The following CFAP77 variants were observed in gnomAD, a reference collection of about 807,000 sequenced individuals.
CFAP77 encodes cilia- and flagella-associated protein 77.
Under a neutral mutation model 31.1 loss-of-function variants are expected in CFAP77, and 25 were observed. That is an observed-to-expected ratio of 0.80 (90% CI 0.59 to 1.12). The LOEUF is 1.12. Among genes scored for constraint, CFAP77 ranks in the 50% most tolerant of loss-of-function variants. The pLI, the probability that CFAP77 is intolerant of heterozygous loss-of-function variation, is 0.00. For synonymous variants in CFAP77, 151 were observed against 159.9 expected (o/e 0.94, Z 0.42); for missense variants, 377 against 397.3 (o/e 0.95, Z 0.44).
intron 1 of CFAP77, among the ~76,000 whole-genome samples, chr9:132,438,541 A>ATATATATATATATATATATATGTATTTT: frequency 4.6e-5 from 5 of 108,154 alleles, no homozygotes; most frequent in African/African-American, 1.6e-4. Flanking sequence ...ATATATATAT[A>ATATATATATATATATATATATGTATTTT]TTTTTTTTTT....
chr9:132,507,050 T>C (rs1464860687), intron 3 of CFAP77, among the ~76,000 whole-genome samples: 1 of 152,228 alleles, frequency 6.6e-6, no homozygotes, highest in African/African-American at 2.4e-5. Flanking sequence ...CTTAAGGCTT[T>C]AGAACTTAAT....
intron 1 of CFAP77, among the ~76,000 whole-genome samples, chr9:132,425,383 C>T (rs976167334): frequency 6.6e-6 from 1 of 152,096 alleles, no homozygotes; most frequent in African/African-American, 2.4e-5. Flanking sequence ...CTCTCTCCAA[C>T]CTCGCTCCCC....
chr9:132,513,413 G>A, intron 3 of CFAP77: 1 of 1,490,760 alleles, frequency 6.7e-7, no homozygotes, highest in South Asian at 1.4e-5. Flanking sequence ...ACAATCTGAG[G>A]CCCCTGTGCA....
chr9:132,569,728 CTTTTTTTTTTTTTT>C lies in CFAP77; in HGVS notation c.733-2648_733-2635del, dbSNP rs558402201. Among the ~76,000 whole-genome samples the C allele has an allele frequency of 4.1e-5, 4 of 98,476 alleles. No homozygotes were observed. In the Admixed American group the frequency reaches 4.9e-4, roughly 12 times the overall value. 64.6% of individuals were successfully genotyped at this position (98,476 alleles called of 152,430 possible). On this transcript the variant is annotated intron_variant, in intron 5 of 5. Coordinates refer to ENST00000393216, the MANE Select transcript of CFAP77 (RefSeq NM_001282957.2). Reference sequence around the variant, plus strand: ...GTCTTCCTAAGTGTCTCTAGCTGCCCTTTTTTTTTTTTTTTTTTTTTTTTTGAGACGGAATCTCG... The same window carrying C: ...GTCTTCCTAAGTGTCTCTAGCTGCCCTTTTTTTTTTTGAGACGGAATCTCG...
At chr9:132,569,398 C>A (rs1198008240) in intron 5 of CFAP77, among the ~76,000 whole-genome samples, 1 of 151,704 alleles carries the variant, frequency 6.6e-6, no homozygotes, top group Non-Finnish European at 1.5e-5. Context: ...AGAGTGAGAA[C>A]CTGATGGGGG....
chr9:132,467,092 C>T (rs892325656), intron 1 of CFAP77, among the ~76,000 whole-genome samples: 3 of 152,122 alleles, frequency 2.0e-5, no homozygotes, highest in African/African-American at 7.2e-5. Flanking sequence ...GCAGGAGAAT[C>T]GTTTGAATCT....
chr9:132,461,506 G>A (rs1851049485), intron 1 of CFAP77, among the ~76,000 whole-genome samples: 1 of 152,198 alleles, frequency 6.6e-6, no homozygotes, highest in African/African-American at 2.4e-5. Context: ...AGCCAACTAG[G>A]GCAGGCCCCA....
intron 1 of CFAP77, among the ~76,000 whole-genome samples, chr9:132,458,036 A>G (rs1355543584): frequency 1.3e-5 from 2 of 152,196 alleles, no homozygotes; most frequent in Admixed American, 6.5e-5. Context: ...CTCCCTCGTC[A>G]TATTTTATGA....
Position 132,480,020 on chromosome 9 carries a change from C to T in CFAP77, c.196-18675C>T, listed in dbSNP as rs745945804. Among the ~76,000 whole-genome samples the T allele has an allele frequency of 3.2e-4, 48 of 152,294 alleles. No homozygotes were observed. The highest frequency in any genetic ancestry group is 8.2e-4 in the African/African-American group (34 of 41,570). On this transcript the variant is annotated intron_variant, in intron 1 of 5. Transcript: ENST00000393216. The surrounding 1 kb of genome is among the most constrained non-coding windows in gnomAD (Gnocchi z 5.8). ...GCAGATGATGCGGCTCTGGATGACA[C>T]GGATGGAGACGCGCTCCAGATAGGA...
intron 1 of CFAP77, among the ~76,000 whole-genome samples, chr9:132,429,442 G>A (rs1385146494): frequency 6.6e-6 from 1 of 150,556 alleles, no homozygotes; most frequent in Non-Finnish European, 1.5e-5. Flanking sequence ...GGAGGCTGAG[G>A]CAGGAGAATC....
intron 1 of CFAP77, among the ~76,000 whole-genome samples, chr9:132,411,004 A>AG (rs1271155676): frequency 6.6e-6 from 1 of 152,238 alleles, no homozygotes; most frequent in Non-Finnish European, 1.5e-5. Flanking sequence ...CAACCCTAAG[A>AG]GAAAAAAAGC....
intron 1 of CFAP77, among the ~76,000 whole-genome samples, chr9:132,488,891 G>T (rs867937127): frequency 6.6e-6 from 1 of 152,198 alleles, no homozygotes. Context: ...TGAGAGATGG[G>T]AAATAAGGCA....
At chr9:132,485,846 C>T (rs933316009) in intron 1 of CFAP77, among the ~76,000 whole-genome samples, 1 of 150,882 alleles carries the variant, frequency 6.6e-6, no homozygotes, top group Non-Finnish European at 1.5e-5. Flanking sequence ...GACCACAGAC[C>T]GAAGAGGGGG....
In CFAP77 at chr9:132,481,835, C is replaced by T. The variant is rs1851450347; in HGVS notation, c.196-16860C>T. Among the ~76,000 whole-genome samples the T allele has an allele frequency of 6.6e-6, 1 of 152,116 alleles. No homozygotes were observed. Among genetic ancestry groups the T allele is most frequent in the Non-Finnish European group, 1.5e-5 (1 of 68,034 alleles). On this transcript the variant is annotated intron_variant, in intron 1 of 5. Coordinates refer to ENST00000393216, the MANE Select transcript of CFAP77 (RefSeq NM_001282957.2). The surrounding 1 kb of genome is among the most constrained non-coding windows in gnomAD (Gnocchi z 5.0). ...AAACTCCTTCTCATTTATTACAATA[C>T]CACTTTTTATTGACATGGAAATAAA...
At chr9:132,459,651 GTA>G (rs933957717) in intron 1 of CFAP77, among the ~76,000 whole-genome samples, 38 of 151,502 alleles carry the variant, frequency 2.5e-4, no homozygotes, top group South Asian at 2.1e-3. Context: ...ATGTATGTGT[GTA>G]TATGTCTCAT....
chr9:132,483,481 C>T (rs540245449), intron 1 of CFAP77, among the ~76,000 whole-genome samples: 5 of 152,248 alleles, frequency 3.3e-5, no homozygotes, highest in East Asian at 3.9e-4. Context: ...CCCGTGTCCT[C>T]GGTGCAGACG....
At chr9:132,436,562 G>T (rs1026527611) in intron 1 of CFAP77, among the ~76,000 whole-genome samples, 1 of 152,110 alleles carries the variant, frequency 6.6e-6, no homozygotes, top group African/African-American at 2.4e-5. Context: ...CTTCAACAAA[G>T]AATTTCTCTT....
At chr9:132,533,083 T>A (rs1852485387) in intron 3 of CFAP77, among the ~76,000 whole-genome samples, 1 of 152,136 alleles carries the variant, frequency 6.6e-6, no homozygotes, top group Non-Finnish European at 1.5e-5. Flanking sequence ...CATCTCCAGG[T>A]CCTTAAGCCT....
rs553918246 is a variant in CFAP77, at chr9:132,457,250, C to T, written c.196-41445C>T. 5.3e-5 allele frequency among the ~76,000 whole-genome samples: 8 copies of T among 150,234 alleles called. No homozygotes were observed. In the East Asian group the frequency reaches 5.9e-4, roughly 11 times the overall value. On this transcript the variant is annotated intron_variant, in intron 1 of 5. Transcript: ENST00000393216. The stretch of plus-strand genomic sequence containing the variant: ...CTGAGGACTCGCTCCCACGCATGCC[C>T]GCCACACTCAGAGCCCTAGGAACTG...
Sources: allele counts gnomAD v4.1 joint callset (sites outside exome capture counted in the v4.1 genomes callset), GRCh38; gene constraint gnomAD v4.1.1; non-coding constraint Gnocchi (gnomAD v3.1); transcripts MANE v1.5; gene names NCBI Gene and HGNC (gene_info 2026-07-23, HGNC 2026-07-21).